MYH2: variants seen among roughly 807,000 people sequenced by gnomAD.
MYH2 encodes the protein myosin-2.
In MYH2, 139 loss-of-function variants were observed where a neutral mutation model predicts 228.1. The observed-to-expected ratio is 0.61, with a 90% confidence interval of 0.53 to 0.70. The LOEUF (loss-of-function observed/expected upper bound fraction) is 0.70, where lower values mean the gene tolerates loss of function less well. Among genes scored for constraint, MYH2 ranks in the 30% least tolerant of loss-of-function variants. MYH2 has a pLI of 0.00. For missense variants in MYH2, 1,809 were observed against 2,357.5 expected (o/e 0.77, Z 4.82); for synonymous variants, 796 against 871.1 (o/e 0.91, Z 1.52).
intron 30 of MYH2, among the ~76,000 whole-genome samples, chr17:10,526,333 T>C (rs1331257798): frequency 1.3e-5 from 2 of 152,158 alleles, no homozygotes; most frequent in Non-Finnish European, 2.9e-5. Flanking sequence ...AGCGATGAGC[T>C]CATTGTGCTT....
rs1190394328 is a variant in MYH2, at chr17:10,526,854, T to C, written c.3991-59A>G. 3 of 1,613,974 alleles carry C rather than the reference T, an allele frequency of 1.9e-6. No homozygotes were observed. In the African/African-American group the frequency reaches 4.0e-5, roughly 22 times the overall value. On this transcript the variant is annotated intron_variant, in intron 29 of 39. Coordinates refer to ENST00000245503, the MANE Select transcript of MYH2 (RefSeq NM_017534.6). ...TATTTAAATATTTAACTCTTAACTT[T>C]CAAAACCTTTTGAAAGCTGGTATAA...
At position 10,524,524 on chromosome 17, in the gene MYH2, T is replaced by G; in HGVS notation, c.5117A>C (p.Lys1706Thr). 1 of 1,614,226 alleles carries G rather than the reference T, an allele frequency of 6.2e-7. No homozygotes were observed. The highest frequency in any genetic ancestry group is 8.5e-7 in the Non-Finnish European group (1 of 1,180,040). ...ATCCAGGAGCTCCTGTTCTGCGATT[T>G]TTCTGCTCCTCTCTGTCTGTTCCAG... Reference protein sequence around the residue: ...ATLEQTERSRKIAEQELLDAS... With the variant: ...ATLEQTERSRTIAEQELLDAS... Residue 1706 changes from lysine (K) to threonine (T), a missense_variant, in exon 35 of 40, where the codon AAA (lysine) becomes ACA (threonine). Around this residue, in one of 9 missense-constraint regions of MYH2, gnomAD observed 278 missense variants for 308.5 expected, o/e 0.90. Coordinates refer to ENST00000245503, the MANE Select transcript of MYH2 (RefSeq NM_017534.6). This position sits in a 1 kb window ranked among gnomAD's most constrained non-coding sequence, Gnocchi z 4.7.
chr17:10,528,113 G>A (rs936654632), intron 27 of MYH2, among the ~76,000 whole-genome samples: 16 of 141,072 alleles, frequency 1.1e-4, no homozygotes, highest in African/African-American at 3.1e-4. Context: ...GCGTGATCTC[G>A]ACTCACTGCA....
rs11658164 is a variant in MYH2, at chr17:10,529,472, A to C, written c.3127T>G (p.Ser1043Ala). Residue 1043 changes from serine (S) to alanine (A), a missense_variant, in exon 25 of 40, where the codon TCC (serine) becomes GCC (alanine). This residue lies in a region of MYH2 where 636 missense variants were observed against 729.9 expected (regional missense o/e 0.87). Transcript: ENST00000245503. ...CGAAGTTTCTTTTCTTGCTCCAAGG[A>C]CCCTTCAAGCTAAATATAAATTATG... ...LEQQVDDLEG[S>A]LEQEKKLRMD... 3,102 of 1,614,128 alleles carry C rather than the reference A, an allele frequency of 1.9e-3. 8 individuals carry two copies. The highest frequency in any genetic ancestry group is 2.3e-3 in the Non-Finnish European group (2,760 of 1,180,010).
chr17:10,537,578 A>G lies in MYH2; in HGVS notation c.1588-36T>C, dbSNP rs368463242. The G allele has an allele frequency of 5.6e-6, 9 of 1,602,454 alleles. No homozygotes were observed. The highest frequency in any genetic ancestry group is 3.4e-5 in the Admixed American group (2 of 59,596). On this transcript the variant is annotated intron_variant, in intron 15 of 39. Coordinates refer to ENST00000245503, the MANE Select transcript of MYH2 (RefSeq NM_017534.6). The surrounding 1 kb of genome is among the most constrained non-coding windows in gnomAD (Gnocchi z 4.0). Reference sequence around the variant, plus strand: ...GACCACAACACAAAATTGTACTTCTATTTTTTTTTCTGTCTATAGAATTAA... The same window carrying G: ...GACCACAACACAAAATTGTACTTCTGTTTTTTTTTCTGTCTATAGAATTAA...
chr17:10,521,430 C>T lies in MYH2; in HGVS notation c.5676G>A (p.Glu1892=). Residue 1892 remains glutamate (E), a splice_region_variant and synonymous_variant, in exon 40 of 40, where the codon GAG becomes GAA. Transcript: ENST00000245503. ...TAGCTAGATTGGTGTTGGATTGTTC[C>T]TCCTGAGAATAAAAATGGAATTGTA... ...KSYKRQAEEA[E]EQSNTNLAKF... The T allele has an allele frequency of 6.2e-7, 1 of 1,614,018 alleles. No homozygotes were observed. The highest frequency in any genetic ancestry group is 1.7e-5 in the Admixed American group (1 of 60,020).
chr17:10,528,543 A>C (rs1407711158), intron 27 of MYH2, 147 bp downstream of exon 27: 1 of 1,267,250 alleles, frequency 7.9e-7, no homozygotes, highest in African/African-American at 1.5e-5. Flanking sequence ...GTTAAGTTGA[A>C]ATAATAAAAA....
chr17:10,525,912 C>T lies in MYH2; in HGVS notation c.4188-36G>A. On this transcript the variant is annotated intron_variant, in intron 30 of 39. Coordinates refer to ENST00000245503, the MANE Select transcript of MYH2 (RefSeq NM_017534.6). The surrounding 1 kb of genome is among the most constrained non-coding windows in gnomAD (Gnocchi z 4.2). ...ATACATGTTTTCAGAGAGAAGTGAA[C>T]CATAATATGAATTATGAGCTATTGC... is the stretch of plus-strand genomic sequence containing the variant. 6.2e-7 allele frequency: 1 copy of T among 1,605,206 alleles called. No individual in the cohort carries two copies.
chr17:10,546,373 C>T (rs1336980535), intron 4 of MYH2, among the ~76,000 whole-genome samples: 3 of 148,084 alleles, frequency 2.0e-5, no homozygotes, highest in Non-Finnish European at 4.4e-5. Flanking sequence ...GGATGCTGAC[C>T]ATCAACTCTA....
At position 10,527,634 on chromosome 17, in the gene MYH2, G is replaced by A. The variant is rs111536685; in HGVS notation, c.3871+114C>T. 4.3e-4 allele frequency: 651 copies of A among 1,518,488 alleles called. 2 individuals carry two copies. In the African/African-American group the frequency reaches 7.7e-3, roughly 18 times the overall value. 94.1% of individuals were successfully genotyped at this position (1,518,488 alleles called of 1,614,324 possible). On this transcript the variant is annotated intron_variant, in intron 28 of 39. Coordinates refer to ENST00000245503, the MANE Select transcript of MYH2 (RefSeq NM_017534.6). ...ATAGGTCAGGTGTCTGAGCTGTTCA[G>A]TGAATCAGACATGTTCTCAGCTGTT... is the stretch of plus-strand genomic sequence containing the variant.
chr17:10,544,981 GAC>G (rs1458097544), intron 5 of MYH2, among the ~76,000 whole-genome samples: 1 of 151,648 alleles, frequency 6.6e-6, no homozygotes, highest in African/African-American at 2.4e-5. Flanking sequence ...TAGTAACGGA[GAC>G]ACAGTTTGTA....
At chr17:10,542,795 A>C (rs2073573823) in intron 10 of MYH2, 80 bp downstream of exon 10, 1 of 885,460 alleles carries the variant, frequency 1.1e-6, no homozygotes, top group Non-Finnish European at 1.7e-6. Context: ...GACAAAATTC[A>C]GTCATAGAAT....
At chr17:10,536,798 T>C (rs2073486913) in intron 16 of MYH2, among the ~76,000 whole-genome samples, 192 bp from the exon 17 acceptor site, 1 of 152,190 alleles carries the variant, frequency 6.6e-6, no homozygotes, top group East Asian at 1.9e-4. Context: ...CAGTGGGAAA[T>C]GAGGCCAGGG....
chr17:10,523,628 G>C lies in MYH2; in HGVS notation c.5340C>G (p.Asp1780Glu). Residue 1780 changes from aspartate (D) to glutamate (E), a missense_variant, in exon 37 of 40, where the codon GAC becomes GAG. Asp to Glu is a conservative substitution (Grantham distance 45). Coordinates refer to ENST00000245503, the MANE Select transcript of MYH2 (RefSeq NM_017534.6). ...TCATCCGCTCCAGGTGGGCGCTGGT[G>C]TCCTGCTCCTTCTTCAGCTCCTCAG... ...MMAEELKKEQ[D>E]TSAHLERMKK... 6.2e-7 allele frequency: 1 copy of C among 1,614,210 alleles called. No homozygotes were observed. The highest frequency in any genetic ancestry group is 1.3e-5 in the African/African-American group (1 of 75,046).
chr17:10,529,489 T>C lies in MYH2; in HGVS notation c.3118-8A>G. On this transcript the variant is annotated splice_region_variant and splice_polypyrimidine_tract_variant and intron_variant, in intron 24 of 39. Coordinates refer to ENST00000245503, the MANE Select transcript of MYH2 (RefSeq NM_017534.6). ...CTCCAAGGACCCTTCAAGCTAAATATAAATTATGTTGAATCAGAAGGAATG... is the reference window on the plus strand; with the variant it reads ...CTCCAAGGACCCTTCAAGCTAAATACAAATTATGTTGAATCAGAAGGAATG... 6.2e-7 allele frequency: 1 copy of C among 1,614,232 alleles called. No homozygotes were observed. Among genetic ancestry groups the C allele is most frequent in the South Asian group, 1.1e-5 (1 of 91,090 alleles).
chr17:10,541,197 G>A (rs2073549322), intron 10 of MYH2, among the ~76,000 whole-genome samples: 1 of 152,188 alleles, frequency 6.6e-6, no homozygotes, highest in Non-Finnish European at 1.5e-5. Flanking sequence ...TAACCATTAG[G>A]TCTGGCTGCC....
Position 10,540,606 on chromosome 17 carries a change from C to G in MYH2, c.996G>C (p.Leu332=). The G allele has an allele frequency of 6.2e-7, 1 of 1,610,444 alleles. No individual in the cohort carries two copies. The part of the protein sequence containing the change: ...SVASIDDQEE[L]MATDSAIDIL... ...GTGTTCTACTTACATCTGTGGCCAT[C>G]AGTTCTTCCTGATCATCGATGCTGG... Residue 332 remains leucine (L), a synonymous_variant, in exon 11 of 40, where the codon CTG becomes CTC. Transcript: ENST00000245503.
intron 21 of MYH2, among the ~76,000 whole-genome samples, chr17:10,532,641 T>C (rs1229587352): frequency 6.6e-6 from 1 of 152,160 alleles, no homozygotes; most frequent in Non-Finnish European, 1.5e-5. Context: ...CATACACATA[T>C]GTATATGTGT....
At chr17:10,540,734 ATCT>A (rs747223612) in intron 10 of MYH2, 37 bp from the exon 11 acceptor site, 2 of 1,502,864 alleles carry the variant, frequency 1.3e-6, no homozygotes, top group South Asian at 2.3e-5. Flanking sequence ...AAACATAATT[ATCT>A]TCTTCATTAA....
Sources: gnomAD v4.1 joint callset for allele counts (sites outside exome capture counted in the v4.1 genomes callset) on GRCh38, gnomAD v4.1.1 for gene constraint, gnomAD v4.1.1 regional missense constraint, Gnocchi (gnomAD v3.1) non-coding constraint, MANE v1.5 for transcripts, NCBI Gene and HGNC (gene_info 2026-07-23, HGNC 2026-07-21) for gene names.